Variants in SZT2 observed in about 807,000 individuals in gnomAD.
SZT2 encodes the protein SZT2 subunit of KICSTOR complex, also known as KICSTOR complex protein SZT2.
A neutral mutation model predicts 404.2 loss-of-function variants in SZT2; 216 were observed. The ratio of observed to expected loss-of-function variants is 0.53; its 90% confidence interval spans 0.48 to 0.60. SZT2 has a LOEUF of 0.60. Among genes scored for constraint, SZT2 ranks in the 20% least tolerant of loss-of-function variants. The pLI is 0.00. For synonymous variants in SZT2, 1,693 were observed against 1,749.9 expected (o/e 0.97, Z 0.81); for missense variants, 3,857 against 4,459.2 (o/e 0.86, Z 3.85).
Position 43,450,840 on chromosome 1 carries a change from C to G in SZT2, c.*360C>G. 1 of 712,108 alleles carries G rather than the reference C, an allele frequency of 1.4e-6. No homozygotes were observed. Among genetic ancestry groups the G allele is most frequent in the Non-Finnish European group, 2.6e-6 (1 of 384,400 alleles). The allele number at this position is 712,108 out of a possible 1,614,324, so 44.1% of individuals were successfully genotyped here. On this transcript the variant is annotated 3_prime_UTR_variant, in exon 72 of 72. Transcript: ENST00000634258. This position sits in a 1 kb window ranked among gnomAD's most constrained non-coding sequence, Gnocchi z 4.3. ...CTCTGCCTGAATCCTGCCCCCTAGC[C>G]TTTGACCACTGTCAGCCACCTGTGT...
chr1:43,448,014 G>GC lies in SZT2; in HGVS notation c.9563+47dup. 2 of 1,611,910 alleles carry GC rather than the reference G, an allele frequency of 1.2e-6. No individual in the cohort carries two copies. Among genetic ancestry groups the GC allele is most frequent in the Non-Finnish European group, 8.5e-7 (1 of 1,178,748 alleles). On this transcript the variant is annotated intron_variant, in intron 68 of 71. Transcript: ENST00000634258. This position sits in a 1 kb window ranked among gnomAD's most constrained non-coding sequence, Gnocchi z 4.2. The stretch of plus-strand genomic sequence containing the variant: ...CTTGAACATGCCCATTTCCCAGCCT[G>GC]CCCCACCCTGCCCTGTGTGTCTCTT...
chr1:43,435,396 T>TGGTGAAAGCTGAGGGCAGAGTCCTCATTA (rs1654359144), intron 42 of SZT2, 67 bp downstream of exon 42: 1 of 1,568,508 alleles, frequency 6.4e-7, no homozygotes, highest in Non-Finnish European at 8.7e-7. Flanking sequence ...CCGAATACTC[T>TGGTGAAAGCTGAGGGCAGAGTCCTCATTA]GGTGAAAGCT....
At chr1:43,413,175 GAGTTTGAGACC>G (rs1407911261) in intron 4 of SZT2, among the ~76,000 whole-genome samples, 1 of 152,336 alleles carries the variant, frequency 6.6e-6, no homozygotes, top group South Asian at 2.1e-4. Flanking sequence ...GCCGAGGTGG[GAGTTTGAGACC>G]AGCCTGGCCA....
At position 43,453,934 on chromosome 1, in the gene SZT2, C is replaced by T. The variant is rs1299169699; in HGVS notation, c.*3454C>T. 8 of 1,203,926 alleles carry T rather than the reference C, an allele frequency of 6.6e-6. No homozygotes were observed. Among genetic ancestry groups the T allele is most frequent in the Non-Finnish European group, 8.2e-6 (8 of 970,298 alleles). 74.6% of individuals were successfully genotyped at this position (1,203,926 alleles called of 1,614,324 possible). On this transcript the variant is annotated 3_prime_UTR_variant, in exon 72 of 72. Transcript: ENST00000634258. ...TGTTCGTGGTTAGAAAAGCGAAGTG[C>T]TGTAAAAACCCGGGCCTTCACGAAA...
chr1:43,448,504 C>T lies in SZT2; in HGVS notation c.9969+20C>T, dbSNP rs747852626. ...CAGCTGGTAAGGAACTGTGGGCTCC[C>T]GAAAGAGCTGGGATAGGTGCCAGGA... On this transcript the variant is annotated intron_variant, in intron 69 of 71. Coordinates refer to ENST00000634258, the MANE Select transcript of SZT2 (RefSeq NM_001365999.1). The surrounding 1 kb of genome is among the most constrained non-coding windows in gnomAD (Gnocchi z 4.2). 1.6e-5 allele frequency: 25 copies of T among 1,607,886 alleles called. No homozygotes were observed. Among genetic ancestry groups the T allele is most frequent in the Middle Eastern group, 3.3e-4 (2 of 6,044 alleles).
chr1:43,400,125 G>C (rs964970172), intron 1 of SZT2, among the ~76,000 whole-genome samples: 3 of 150,486 alleles, frequency 2.0e-5, no homozygotes, highest in Admixed American at 2.0e-4. Context: ...TTTTTTTTTA[G>C]AGATGGACTT....
chr1:43,427,722 A>T lies in SZT2; in HGVS notation c.3791A>T (p.Asp1264Val), dbSNP rs773034121. ...ATGCAGCCCCCTCAGGCGCCCCGAG[A>T]CCTCATCTTCCGGTGAGTGCCTTCA... is the stretch of plus-strand genomic sequence containing the variant. ...VGMQPPQAPRDLIFRTQFLDH... is the reference protein window; with the variant it reads ...VGMQPPQAPRVLIFRTQFLDH... Residue 1264 changes from aspartate to valine, a missense_variant, in exon 26 of 72, where the codon GAC becomes GTC. By Grantham distance (152) the Asp-to-Val change is radical. Around this residue, in one of 7 missense-constraint regions of SZT2, gnomAD observed 1,725 missense variants for 1,881.0 expected, o/e 0.92. Transcript: ENST00000634258. 6.2e-7 allele frequency: 1 copy of T among 1,613,336 alleles called. No homozygotes were observed. The highest frequency in any genetic ancestry group is 1.1e-5 in the South Asian group (1 of 91,018).
At position 43,447,616 on chromosome 1, in the gene SZT2, T is replaced by C; in HGVS notation, c.9358T>C (p.Ser3120Pro). The C allele has an allele frequency of 6.2e-7, 1 of 1,614,168 alleles. No individual in the cohort carries two copies. Among genetic ancestry groups the C allele is most frequent in the Non-Finnish European group, 8.5e-7 (1 of 1,180,028 alleles). ...LYNYVADHAS[S>P]YHMKPLRMAR... is the part of the protein sequence containing the mutation. ...CAACTACGTGGCTGATCACGCCAGC[T>C]CTTACCACATGAAGCCATTGCGAAT... Residue 3120 changes from serine (S) to proline (P), a missense_variant, in exon 67 of 72, where the codon TCT becomes CCT. By Grantham distance (74) the Ser-to-Pro change is moderately conservative (BLOSUM62 -1). Around this residue, in one of 7 missense-constraint regions of SZT2, gnomAD observed 717 missense variants for 868.2 expected, o/e 0.83. Transcript: ENST00000634258.
Position 43,432,809 on chromosome 1 carries a change from G to A in SZT2, c.5602+10G>A, listed in dbSNP as rs1182284679. On this transcript the variant is annotated intron_variant, in intron 39 of 71. Coordinates refer to ENST00000634258, the MANE Select transcript of SZT2 (RefSeq NM_001365999.1). ...GACTCAGACCACCTAGGTAAGCTGG[G>A]GGGACGGGGTGAAGGACTCTAAGCT... is the stretch of plus-strand genomic sequence containing the variant. 1 of 1,613,516 alleles carries A rather than the reference G, an allele frequency of 6.2e-7. No individual in the cohort carries two copies. Among genetic ancestry groups the A allele is most frequent in the East Asian group, 2.2e-5 (1 of 44,850 alleles).
intron 36 of SZT2, 86 bp from the exon 37 acceptor site, chr1:43,432,186 T>G: frequency 7.2e-7 from 1 of 1,387,618 alleles, no homozygotes; most frequent in South Asian, 1.4e-5. Context: ...ACCAGGTAGT[T>G]AGGAGCGTCT....
intron 28 of SZT2, 123 bp downstream of exon 28, chr1:43,428,609 G>A (rs1398452489): frequency 5.8e-6 from 8 of 1,391,260 alleles, no homozygotes; most frequent in South Asian, 4.2e-5. Flanking sequence ...AAGCAGTAGT[G>A]CTTTGTCGCC....
At position 43,453,447 on chromosome 1, in the gene SZT2, C is replaced by T. The variant is rs781311591; in HGVS notation, c.*2967C>T. ...TGCTCCAGTCCCTCTCGGAAGGCCGCCTGTCTCCCGGGGACGGCCCCCAGC... is the reference window on the plus strand; with the variant it reads ...TGCTCCAGTCCCTCTCGGAAGGCCGTCTGTCTCCCGGGGACGGCCCCCAGC... On this transcript the variant is annotated 3_prime_UTR_variant, in exon 72 of 72. Coordinates refer to ENST00000634258, the MANE Select transcript of SZT2 (RefSeq NM_001365999.1). 2.6e-5 allele frequency: 41 copies of T among 1,564,572 alleles called. 1 individual carries two copies. The Middle Eastern group carries it at 1.0e-3, about 38-fold the overall frequency.
intron 32 of SZT2, 57 bp from the exon 33 acceptor site, chr1:43,430,892 T>G: frequency 6.3e-7 from 1 of 1,588,178 alleles, no homozygotes; most frequent in South Asian, 1.2e-5. Flanking sequence ...ACATAGATCT[T>G]GGAATCTGTG....
intron 47 of SZT2, 35 bp downstream of exon 47, chr1:43,438,852 G>C (rs1270776355): frequency 2.5e-6 from 4 of 1,611,320 alleles, no homozygotes; most frequent in Non-Finnish European, 3.4e-6. Flanking sequence ...ATCCTTCCCA[G>C]ACTCAGCCAC....
chr1:43,443,770 A>G lies in SZT2; in HGVS notation c.8799A>G (p.Pro2933=), dbSNP rs1388658960. 2 of 1,613,796 alleles carry G rather than the reference A, an allele frequency of 1.2e-6. No individual in the cohort carries two copies. The highest frequency in any genetic ancestry group is 1.7e-6 in the Non-Finnish European group (2 of 1,180,028). ...AGAGCATAGGTTTTGTGCTGGTACC[A>G]CTGCGGCCCCCCTCACCCGCCCGCA... The part of the protein sequence containing the change: ...YLQSIGFVLV[P]LRPPSPARST... Residue 2933 remains proline, a synonymous_variant, in exon 62 of 72, where the codon CCA becomes CCG. Coordinates refer to ENST00000634258, the MANE Select transcript of SZT2 (RefSeq NM_001365999.1).
At position 43,441,529 on chromosome 1, in the gene SZT2, G is replaced by T. The variant is rs1655060342; in HGVS notation, c.7537G>T (p.Gly2513Cys). Residue 2513 changes from glycine to cysteine, a missense_variant, in exon 54 of 72, where the codon GGT (glycine) becomes TGT (cysteine). Transcript: ENST00000634258. This position sits in a 1 kb window ranked among gnomAD's most constrained non-coding sequence, Gnocchi z 4.8. ...QKRRTTQLEEGEVGTLHPVFA... is the reference protein window; with the variant it reads ...QKRRTTQLEECEVGTLHPVFA... ...GCGCCGGACAACACAGCTAGAAGAGGGTGAGGTGGGGACCCTTCATCCTGT... is the reference window on the plus strand; with the variant it reads ...GCGCCGGACAACACAGCTAGAAGAGTGTGAGGTGGGGACCCTTCATCCTGT... The T allele has an allele frequency of 1.2e-6, 2 of 1,614,014 alleles. No homozygotes were observed. The highest frequency in any genetic ancestry group is 2.7e-5 in the African/African-American group (2 of 74,910).
Position 43,452,828 on chromosome 1 carries a change from C to T in SZT2, c.*2348C>T. 1 of 1,471,900 alleles carries T rather than the reference C, an allele frequency of 6.8e-7. No individual in the cohort carries two copies. The highest frequency in any genetic ancestry group is 1.2e-5 in the South Asian group (1 of 82,224). The allele number at this position is 1,471,900 out of a possible 1,614,324, so 91.2% of individuals were successfully genotyped here. On this transcript the variant is annotated 3_prime_UTR_variant, in exon 72 of 72. Coordinates refer to ENST00000634258, the MANE Select transcript of SZT2 (RefSeq NM_001365999.1). ...CCACTTTGAGCCGTCCACCTCCTCC[C>T]ATCATCCCCTGATCTTAGCCACATC...
Position 43,431,022 on chromosome 1 carries a change from G to A in SZT2, c.4848G>A (p.Leu1616=). 1 of 1,614,192 alleles carries A rather than the reference G, an allele frequency of 6.2e-7. No individual in the cohort carries two copies. Among genetic ancestry groups the A allele is most frequent in the Non-Finnish European group, 8.5e-7 (1 of 1,180,040 alleles). Residue 1616 remains leucine (L), a synonymous_variant, in exon 33 of 72, where the codon CTG becomes CTA. Coordinates refer to ENST00000634258, the MANE Select transcript of SZT2 (RefSeq NM_001365999.1). ...CCTTGAGGGACCTCAGTGTGACTCT[G>A]GATGTCTTCATGCTGACTTTGCCCC... ...RVPLRDLSVT[L]DVFMLTLPLE... is the part of the protein sequence containing the mutation.
chr1:43,430,679 C>G lies in SZT2; in HGVS notation c.4664C>G (p.Pro1555Arg), dbSNP rs199717851. Residue 1555 changes from proline to arginine, a missense_variant, in exon 32 of 72, where the codon CCT becomes CGT. Pro to Arg is a moderately radical substitution (Grantham distance 103). This residue lies in a region of SZT2 where 1,725 missense variants were observed against 1,881.0 expected (regional missense o/e 0.92). Coordinates refer to ENST00000634258, the MANE Select transcript of SZT2 (RefSeq NM_001365999.1). ...SILGGDSPTG[P>R]ESFLHDLPPL... ...TTGGGGGGCGACTCACCCACTGGGCCTGAGAGCTTCCTTCATGACCTGCCA... is the reference window on the plus strand; with the variant it reads ...TTGGGGGGCGACTCACCCACTGGGCGTGAGAGCTTCCTTCATGACCTGCCA... 1.5e-5 allele frequency: 25 copies of G among 1,613,948 alleles called. No individual in the cohort carries two copies. Among genetic ancestry groups the G allele is most frequent in the Non-Finnish European group, 1.8e-5 (21 of 1,180,034 alleles).
Sources: allele counts gnomAD v4.1 joint callset (sites outside exome capture counted in the v4.1 genomes callset), GRCh38; gene constraint gnomAD v4.1.1; regional missense constraint gnomAD v4.1.1; non-coding constraint Gnocchi (gnomAD v3.1); transcripts MANE v1.5; gene names NCBI Gene and HGNC (gene_info 2026-07-23, HGNC 2026-07-21).